VTA1: variants seen among roughly 807,000 people sequenced by gnomAD.
VTA1 encodes the protein vesicle trafficking 1, also known as vacuolar protein sorting-associated protein VTA1 homolog.
A neutral mutation model predicts 36.9 loss-of-function variants in VTA1; 24 were observed. The observed-to-expected ratio is 0.65, with a 90% CI of 0.47 to 0.91. The LOEUF (loss-of-function observed/expected upper bound fraction) is 0.91. Among genes scored for constraint, VTA1 ranks in the 40% least tolerant of loss-of-function variants. The pLI is 0.00. For missense variants in VTA1, 393 were observed against 377.2 expected (o/e 1.04, Z -0.35); for synonymous variants, 142 against 130.2 (o/e 1.09, Z -0.62).
intron 7 of VTA1, among the ~76,000 whole-genome samples, chr6:142,216,216 T>G (rs967631173): frequency 1.3e-5 from 2 of 152,182 alleles, no homozygotes; most frequent in African/African-American, 4.8e-5. Flanking sequence ...TAACACTTGT[T>G]CTCTTTCTGA....
chr6:142,198,119 ATGTGTGTGTG>A lies in VTA1; in HGVS notation c.521-284_521-275del, dbSNP rs71021658. On this transcript the variant is annotated intron_variant, in intron 5 of 7. Coordinates refer to ENST00000367630, the MANE Select transcript of VTA1 (RefSeq NM_016485.5). The stretch of plus-strand genomic sequence containing the variant: ...CTCAAAAAAAAATATATATATATAT[ATGTGTGTGTG>A]TGTGTGTGTGTGTGTGTGTGTGTGT... Among the ~76,000 whole-genome samples, 302 of 98,232 alleles carry A rather than the reference ATGTGTGTGTG, an allele frequency of 3.1e-3. 1 individual carries two copies. The highest frequency in any genetic ancestry group is 8.9e-3 in the African/African-American group (261 of 29,430). 64.4% of individuals were successfully genotyped at this position (98,232 alleles called of 152,430 possible).
At chr6:142,189,612 G>A in intron 5 of VTA1, 78 bp downstream of exon 5, 2 of 1,131,872 alleles carry the variant, frequency 1.8e-6, no homozygotes, top group Non-Finnish European at 2.5e-6. Flanking sequence ...GTTTTTGGAG[G>A]GAACAATACA....
intron 7 of VTA1, among the ~76,000 whole-genome samples, chr6:142,207,697 GAATA>G (rs1205215125): frequency 3.3e-5 from 5 of 151,448 alleles, no homozygotes; most frequent in Admixed American, 3.3e-4. Context: ...GAGAAAACTG[GAATA>G]AATAACTAAT....
intron 1 of VTA1, among the ~76,000 whole-genome samples, chr6:142,162,650 G>C (rs1326202430): frequency 6.6e-6 from 1 of 152,132 alleles, no homozygotes; most frequent in East Asian, 1.9e-4. Context: ...CTGCTGCTTG[G>C]ATGCAGATAT....
chr6:142,180,157 A>G (rs530217103), intron 4 of VTA1, among the ~76,000 whole-genome samples: 46 of 152,306 alleles, frequency 3.0e-4, no homozygotes, highest in African/African-American at 1.1e-3. Flanking sequence ...TTCTGTTCTA[A>G]TTTTATTCTG....
intron 6 of VTA1, among the ~76,000 whole-genome samples, chr6:142,201,272 G>A (rs1775679860): frequency 6.6e-6 from 1 of 151,732 alleles, no homozygotes; most frequent in South Asian, 2.1e-4. Context: ...AATAGCAAAT[G>A]TTTCCCCTCT....
intron 5 of VTA1, among the ~76,000 whole-genome samples, chr6:142,194,887 A>G (rs571449271): frequency 6.6e-6 from 1 of 152,192 alleles, no homozygotes; most frequent in South Asian, 2.1e-4. Flanking sequence ...AGTGCTTTTT[A>G]TGCACTTATT....
At chr6:142,192,252 A>G (rs1364010584) in intron 5 of VTA1, among the ~76,000 whole-genome samples, 2 of 152,080 alleles carry the variant, frequency 1.3e-5, no homozygotes, top group African/African-American at 4.8e-5. Context: ...TATTTATTAA[A>G]TTATATAAAG....
chr6:142,198,472 C>T lies in VTA1; in HGVS notation c.554C>T (p.Ser185Phe), dbSNP rs1270919446. The change falls in exon 6 of 8, where the codon TCT becomes TTT. Residue 185 changes from serine to phenylalanine, a missense_variant. By Grantham distance (155) the Ser-to-Phe change is radical (BLOSUM62 -2). Coordinates refer to ENST00000367630, the MANE Select transcript of VTA1 (RefSeq NM_016485.5). ...IEENEDAGAA[S>F]LPTQPTQPSS... ...GAAAATGAAGATGCTGGAGCAGCCT[C>T]TCTGCCCACTCAGCCAACTCAGCCA... 1 of 1,614,068 alleles carries T rather than the reference C, an allele frequency of 6.2e-7. No homozygotes were observed. Among genetic ancestry groups the T allele is most frequent in the Admixed American group, 1.7e-5 (1 of 60,024 alleles).
intron 4 of VTA1, among the ~76,000 whole-genome samples, chr6:142,171,814 T>A (rs1775034003): frequency 6.6e-6 from 1 of 152,168 alleles, no homozygotes; most frequent in Non-Finnish European, 1.5e-5. Context: ...GATGAGTAGC[T>A]CTTAGTAAAG....
intron 3 of VTA1, 97 bp downstream of exon 3, chr6:142,169,774 T>A: frequency 8.6e-7 from 1 of 1,157,390 alleles, no homozygotes; most frequent in Non-Finnish European, 1.1e-6. Flanking sequence ...ACCTGCTGAT[T>A]GATTTAGGTT....
chr6:142,149,069 G>T (rs888762215), intron 1 of VTA1, among the ~76,000 whole-genome samples: 1 of 152,146 alleles, frequency 6.6e-6, no homozygotes, highest in South Asian at 2.1e-4. Flanking sequence ...ACCTAATCCA[G>T]TTTCCTTTAT....
chr6:142,174,165 C>T (rs9399395), intron 4 of VTA1, among the ~76,000 whole-genome samples: 34,234 of 151,964 alleles, frequency 0.23, 4,617 homozygotes, highest in East Asian at 0.68. Context: ...AGCTTGCACC[C>T]TGAGCCTGGA....
At chr6:142,186,063 G>A (rs899590114) in intron 4 of VTA1, among the ~76,000 whole-genome samples, 5 of 152,172 alleles carry the variant, frequency 3.3e-5, no homozygotes, top group Non-Finnish European at 7.4e-5. Flanking sequence ...AAAGATGTAA[G>A]ATTACCGGAG....
intron 7 of VTA1, among the ~76,000 whole-genome samples, chr6:142,208,218 TAA>T (rs1293880834): frequency 6.7e-6 from 1 of 149,374 alleles, no homozygotes; most frequent in Non-Finnish European, 1.5e-5. Flanking sequence ...AGAAAAGCAA[TAA>T]AGACATTTGA....
chr6:142,158,421 A>G (rs983107314), intron 1 of VTA1, among the ~76,000 whole-genome samples: 1 of 152,064 alleles, frequency 6.6e-6, no homozygotes, highest in African/African-American at 2.4e-5. Flanking sequence ...ACTTCACAAA[A>G]TTTTTTGGTG....
chr6:142,150,436 T>A (rs1358193503), intron 1 of VTA1, among the ~76,000 whole-genome samples: 1 of 152,228 alleles, frequency 6.6e-6, no homozygotes, highest in Non-Finnish European at 1.5e-5. Context: ...TATAATATGC[T>A]GCTTATCTTT....
At chr6:142,171,632 A>G (rs1775030788) in intron 4 of VTA1, among the ~76,000 whole-genome samples, 1 of 152,184 alleles carries the variant, frequency 6.6e-6, no homozygotes, top group African/African-American at 2.4e-5. Flanking sequence ...GTTCAGTATC[A>G]TTTTCACCAT....
At chr6:142,207,420 A>C (rs1363889750) in intron 7 of VTA1, among the ~76,000 whole-genome samples, 1 of 152,128 alleles carries the variant, frequency 6.6e-6, no homozygotes, top group Non-Finnish European at 1.5e-5. Context: ...AACTTGGCCA[A>C]AGGAGACACC....
Sources: allele counts gnomAD v4.1 joint callset (sites outside exome capture counted in the v4.1 genomes callset), GRCh38; gene constraint gnomAD v4.1.1; transcripts MANE v1.5; gene names NCBI Gene and HGNC (gene_info 2026-07-23, HGNC 2026-07-21).